The following CHERP variants were observed in gnomAD, a reference collection of about 807,000 sequenced individuals.
The protein encoded by CHERP is ERPROT 213-21.
Under a neutral mutation model 113.8 loss-of-function variants are expected in CHERP, and 8 were observed. The observed-to-expected ratio is 0.07, with a 90% CI of 0.04 to 0.13. The LOEUF (loss-of-function observed/expected upper bound fraction) is 0.13, where lower values mean the gene tolerates loss of function less well. CHERP is among the 10% of genes least tolerant of loss of function. The probability of loss-of-function intolerance (pLI) is 1.00; values close to 1 mark genes in which losing one functional copy is unlikely to be tolerated. For synonymous variants in CHERP, 559 were observed against 524.5 expected (o/e 1.07, Z -0.90); for missense variants, 884 against 1,298.2 (o/e 0.68, Z 4.90).
In CHERP at chr19:16,520,057, C is replaced by T. The variant is rs1442958884; in HGVS notation, c.2462+92G>A. 7.3e-7 allele frequency: 1 copy of T among 1,364,146 alleles called. No homozygotes were observed. Among genetic ancestry groups the T allele is most frequent in the African/African-American group, 1.4e-5 (1 of 69,786 alleles). The allele number at this position is 1,364,146 out of a possible 1,614,324, so 84.5% of individuals were successfully genotyped here. A position where few individuals can be genotyped will look rare whatever the true frequency, so the allele number is the denominator to read the frequency against. On this transcript the variant is annotated intron_variant, in intron 15 of 16. Coordinates refer to ENST00000546361, the MANE Select transcript of CHERP (RefSeq NM_006387.6). The surrounding 1 kb of genome is among the most constrained non-coding windows in gnomAD (Gnocchi z 4.0). ...CGGGCTAATGCTGGCGGCCTCCTAA[C>T]ACAGTCTCCTAACCACCAATGTTTC...
At position 16,532,559 on chromosome 19, in the gene CHERP, G is replaced by A. The variant is rs200434338; in HGVS notation, c.674+39C>T. On this transcript the variant is annotated intron_variant, in intron 5 of 16. Transcript: ENST00000546361. This position sits in a 1 kb window ranked among gnomAD's most constrained non-coding sequence, Gnocchi z 4.4. Reference sequence around the variant, plus strand: ...ACCCAGGAGGGTTGAGGAGGAGCGCGAGGAAGTGGCGCTCTGGGCACGGGG... The same window carrying A: ...ACCCAGGAGGGTTGAGGAGGAGCGCAAGGAAGTGGCGCTCTGGGCACGGGG... 496 of 1,551,630 alleles carry A rather than the reference G, an allele frequency of 3.2e-4. No homozygotes were observed. The East Asian group carries it at 3.3e-3, about 10-fold the overall frequency.
chr19:16,540,653 G>A (rs999473730), intron 2 of CHERP, among the ~76,000 whole-genome samples: 3 of 142,924 alleles, frequency 2.1e-5, no homozygotes, highest in East Asian at 2.2e-4. Context: ...GATTACAGGC[G>A]TCAGCCACTA....
At chr19:16,539,845 G>C (rs1338609968) in intron 2 of CHERP, 1 of 152,116 alleles carries the variant, frequency 6.6e-6, no homozygotes, top group Admixed American at 6.6e-5. Flanking sequence ...GCTCCCAGGG[G>C]GTCACCATAC....
Position 16,525,426 on chromosome 19 carries a change from G to T in CHERP, c.1557C>A (p.Pro519=). Residue 519 remains proline, a synonymous_variant, in exon 10 of 17, where the codon CCC becomes CCA. Coordinates refer to ENST00000546361, the MANE Select transcript of CHERP (RefSeq NM_006387.6). This position sits in a 1 kb window ranked among gnomAD's most constrained non-coding sequence, Gnocchi z 6.5. ...QREPPFRMQR[P]PHFRGPFPPH... ...GCGGGAAGGGCCCCCGGAAGTGTGG[G>T]GGCCGCTGCATGCGGAAGGGTGGCT... 1 of 1,527,040 alleles carries T rather than the reference G, an allele frequency of 6.5e-7. No individual in the cohort carries two copies. 94.6% of individuals were successfully genotyped at this position (1,527,040 alleles called of 1,614,324 possible).
At chr19:16,526,876 C>T (rs2085660879) in intron 9 of CHERP, among the ~76,000 whole-genome samples, 1 of 152,232 alleles carries the variant, frequency 6.6e-6, no homozygotes, top group Non-Finnish European at 1.5e-5. Context: ...ATCTTCCTGC[C>T]TCAGACCACT....
In CHERP at chr19:16,529,898, G is replaced by A. The variant is rs1487068123; in HGVS notation, c.879C>T (p.Ala293=). 3.1e-6 allele frequency: 5 copies of A among 1,612,608 alleles called. No individual in the cohort carries two copies. The highest frequency in any genetic ancestry group is 4.2e-6 in the Non-Finnish European group (5 of 1,179,442). The stretch of plus-strand genomic sequence containing the variant: ...CTGAGGAGTACTCGTTGATGAGGGT[G>A]GCCTGAGAGAGAGAAGAGCACCCGC... ...SPALGLGQYQ[A]TLINEYSSVV... The change falls in exon 8 of 17, where the codon GCC becomes GCT. Residue 293 remains alanine (A), a splice_region_variant and synonymous_variant. Coordinates refer to ENST00000546361, the MANE Select transcript of CHERP (RefSeq NM_006387.6).
chr19:16,527,127 G>A (rs2085662150), intron 9 of CHERP, among the ~76,000 whole-genome samples: 1 of 152,232 alleles, frequency 6.6e-6, no homozygotes, highest in Admixed American at 6.5e-5. Context: ...CCCTCAGTGA[G>A]GGGCGTGCCC....
At chr19:16,527,475 G>A (rs376315394) in intron 9 of CHERP, among the ~76,000 whole-genome samples, 26 of 152,204 alleles carry the variant, frequency 1.7e-4, no homozygotes, top group African/African-American at 6.0e-4. Flanking sequence ...ACGCTGCGAA[G>A]CCAACCAGGC....
In CHERP at chr19:16,532,308, G is replaced by A. The variant is rs2085711220; in HGVS notation, c.674+290C>T. 2 of 359,624 alleles carry A rather than the reference G, an allele frequency of 5.6e-6. No individual in the cohort carries two copies. Among genetic ancestry groups the A allele is most frequent in the Admixed American group, 4.3e-5 (1 of 23,342 alleles). 22.3% of individuals were successfully genotyped at this position (359,624 alleles called of 1,614,324 possible). On this transcript the variant is annotated intron_variant, in intron 5 of 16. Coordinates refer to ENST00000546361, the MANE Select transcript of CHERP (RefSeq NM_006387.6). The surrounding 1 kb of genome is among the most constrained non-coding windows in gnomAD (Gnocchi z 4.4). ...CCAAGAAGCTGCCCCATGAGAGGAA[G>A]GAGTGCAGGGGACAGTGGCCCCCAG...
Position 16,542,126 on chromosome 19 carries a change from C to T in CHERP, c.26-83G>A. The T allele has an allele frequency of 3.4e-6, 5 of 1,463,162 alleles. No individual in the cohort carries two copies. In the South Asian group the frequency reaches 5.4e-5, roughly 16 times the overall value. 90.6% of individuals were successfully genotyped at this position (1,463,162 alleles called of 1,614,324 possible). On this transcript the variant is annotated intron_variant, in intron 1 of 16. Transcript: ENST00000546361. ...GACTCGGCGCCCCAGCCCCCGTCCG[C>T]CTTGCCGGGGACCCCAAGGGGGTGG...
chr19:16,520,630 C>T lies in CHERP; in HGVS notation c.2202-123G>A, dbSNP rs1384430179. 19 of 1,257,740 alleles carry T rather than the reference C, an allele frequency of 1.5e-5. No homozygotes were observed. In the East Asian group the frequency reaches 4.4e-4, roughly 29 times the overall value. 77.9% of individuals were successfully genotyped at this position (1,257,740 alleles called of 1,614,324 possible). A position where few individuals can be genotyped will look rare whatever the true frequency, so the allele number is the denominator to read the frequency against. ...TCTGGCTGTGGATGTGGCGCCATAG[C>T]CACAGCAACGGTACCAAGTTCCTAA... On this transcript the variant is annotated intron_variant, in intron 13 of 16. Coordinates refer to ENST00000546361, the MANE Select transcript of CHERP (RefSeq NM_006387.6). The surrounding 1 kb of genome is among the most constrained non-coding windows in gnomAD (Gnocchi z 4.0).
At chr19:16,539,443 G>A (rs976074685) in intron 2 of CHERP, among the ~76,000 whole-genome samples, 6 of 152,074 alleles carry the variant, frequency 3.9e-5, no homozygotes, top group African/African-American at 1.4e-4. Context: ...CACCGCGCCC[G>A]GCCTAGCAAC....
At position 16,520,618 on chromosome 19, in the gene CHERP, G is replaced by A. The variant is rs1486395627; in HGVS notation, c.2202-111C>T. ...AGATGCAGGGGCTCTGGCTGTGGAT[G>A]TGGCGCCATAGCCACAGCAACGGTA... On this transcript the variant is annotated intron_variant, in intron 13 of 16. Transcript: ENST00000546361. This position sits in a 1 kb window ranked among gnomAD's most constrained non-coding sequence, Gnocchi z 4.0. The A allele has an allele frequency of 7.6e-7, 1 of 1,314,392 alleles. No homozygotes were observed. The highest frequency in any genetic ancestry group is 1.1e-6 in the Non-Finnish European group (1 of 940,870). 81.4% of individuals were successfully genotyped at this position (1,314,392 alleles called of 1,614,324 possible). A position where few individuals can be genotyped will look rare whatever the true frequency, so the allele number is the denominator to read the frequency against.
chr19:16,537,576 A>C (rs938564153), intron 2 of CHERP, among the ~76,000 whole-genome samples: 2 of 151,750 alleles, frequency 1.3e-5, no homozygotes, highest in Non-Finnish European at 2.9e-5. Context: ...CATGGTTGGC[A>C]CCACCATCTG....
Position 16,519,456 on chromosome 19 carries a change from T to C in CHERP, c.2558-104A>G, listed in dbSNP as rs1599744085. 1 of 1,345,700 alleles carries C rather than the reference T, an allele frequency of 7.4e-7. No homozygotes were observed. The highest frequency in any genetic ancestry group is 1.5e-5 in the African/African-American group (1 of 68,722). The allele number at this position is 1,345,700 out of a possible 1,614,324, so 83.4% of individuals were successfully genotyped here. A position where few individuals can be genotyped will look rare whatever the true frequency, so the allele number is the denominator to read the frequency against. ...AGGCAGTGTAGACATGGGAAATGGG[T>C]AGAGAGAACCCGCAGGCCGGCCCTG... On this transcript the variant is annotated intron_variant, in intron 16 of 16. Coordinates refer to ENST00000546361, the MANE Select transcript of CHERP (RefSeq NM_006387.6). The surrounding 1 kb of genome is among the most constrained non-coding windows in gnomAD (Gnocchi z 6.0).
In CHERP at chr19:16,533,095, A is replaced by T; in HGVS notation, c.438T>A (p.Leu146=). ...TCATGTCTAGCTGGGTCTCCTCCAG[A>T]AGCTTCTGCATCTGCTGCTCCACCG... ...AHAVEQQMQK[L]LEETQLDMNE... The change falls in exon 4 of 17, where the codon CTT becomes CTA. Residue 146 remains leucine, a synonymous_variant. Coordinates refer to ENST00000546361, the MANE Select transcript of CHERP (RefSeq NM_006387.6). 1 of 1,584,446 alleles carries T rather than the reference A, an allele frequency of 6.3e-7. No individual in the cohort carries two copies. Among genetic ancestry groups the T allele is most frequent in the Non-Finnish European group, 8.6e-7 (1 of 1,165,384 alleles).
chr19:16,529,917 C>T lies in CHERP; in HGVS notation c.877-17G>A, dbSNP rs765128524. On this transcript the variant is annotated splice_polypyrimidine_tract_variant and intron_variant, in intron 7 of 16. Coordinates refer to ENST00000546361, the MANE Select transcript of CHERP (RefSeq NM_006387.6). ...GAGGGTGGCCTGAGAGAGAGAAGAG[C>T]ACCCGCTGCTCAGTATGCGGCCTTG... is the stretch of plus-strand genomic sequence containing the variant. The T allele has an allele frequency of 8.1e-6, 13 of 1,609,744 alleles. No homozygotes were observed. Among genetic ancestry groups the T allele is most frequent in the South Asian group, 1.1e-5 (1 of 90,800 alleles).
At position 16,530,399 on chromosome 19, in the gene CHERP, A is replaced by C. The variant is rs567139828; in HGVS notation, c.876+186T>G. On this transcript the variant is annotated intron_variant, in intron 7 of 16. Coordinates refer to ENST00000546361, the MANE Select transcript of CHERP (RefSeq NM_006387.6). The surrounding 1 kb of genome is among the most constrained non-coding windows in gnomAD (Gnocchi z 4.1). ...AGTGTTCCAGGAAAGTCAGGGAGACACACCTAAGGCCTGGGAAATGTCACC... is the reference window on the plus strand; with the variant it reads ...AGTGTTCCAGGAAAGTCAGGGAGACCCACCTAAGGCCTGGGAAATGTCACC... 5.9e-5 allele frequency among the ~76,000 whole-genome samples: 9 copies of C among 152,310 alleles called. No individual in the cohort carries two copies. Among genetic ancestry groups the C allele is most frequent in the African/African-American group, 2.2e-4 (9 of 41,580 alleles).
chr19:16,528,926 C>T (rs534715370), intron 8 of CHERP, among the ~76,000 whole-genome samples: 1 of 152,322 alleles, frequency 6.6e-6, no homozygotes, highest in East Asian at 1.9e-4. Context: ...GCACTCCAGC[C>T]TGGGCGACAG....
Sources: allele counts gnomAD v4.1 joint callset (sites outside exome capture counted in the v4.1 genomes callset), GRCh38; gene constraint gnomAD v4.1.1; non-coding constraint Gnocchi (gnomAD v3.1); transcripts MANE v1.5; gene names NCBI Gene and HGNC (gene_info 2026-07-23, HGNC 2026-07-21).